FHIT: variants seen among roughly 807,000 people sequenced by gnomAD.
FHIT encodes fragile histidine triad diadenosine triphosphatase.
Under a neutral mutation model 17.9 loss-of-function variants are expected in FHIT, and 19 were observed. That is an observed-to-expected ratio of 1.06 (90% confidence interval 0.74 to 1.56). FHIT has a LOEUF of 1.56. Among genes scored for constraint, FHIT ranks in the 40% most tolerant of loss-of-function variants. The pLI, the probability that FHIT is intolerant of heterozygous loss-of-function variation, is 0.00. For missense variants in FHIT, 248 were observed against 189.2 expected (o/e 1.31, Z -1.82); for synonymous variants, 81 against 69.7 (o/e 1.16, Z -0.81).
In FHIT at chr3:60,189,913, G is replaced by A. The variant is rs530343760; in HGVS notation, c.104-175761C>T. Among the ~76,000 whole-genome samples, 10 of 152,288 alleles carry A rather than the reference G, an allele frequency of 6.6e-5. No individual in the cohort carries two copies. The South Asian group carries it at 1.9e-3, about 28-fold the overall frequency. On this transcript the variant is annotated intron_variant, in intron 5 of 9. Transcript: ENST00000492590. ...CTAATTAGAGGTGGAAGCCATGTAT[G>A]CATTGAACAGTTACCTCTTCAAGTT...
At chr3:59,934,016 A>G (rs1706102715) in intron 7 of FHIT, among the ~76,000 whole-genome samples, 1 of 152,152 alleles carries the variant, frequency 6.6e-6, no homozygotes, top group African/African-American at 2.4e-5. Flanking sequence ...CTCAAGCTCT[A>G]AAGAAAAAAC....
chr3:60,118,534 C>T (rs1479913151), intron 5 of FHIT, among the ~76,000 whole-genome samples: 1 of 151,962 alleles, frequency 6.6e-6, no homozygotes, highest in African/African-American at 2.4e-5. Context: ...ATAATACTGT[C>T]AGGAGCTTCC....
intron 5 of FHIT, among the ~76,000 whole-genome samples, chr3:60,454,650 C>G (rs778967060): frequency 2.6e-5 from 4 of 152,098 alleles, no homozygotes; most frequent in African/African-American, 7.2e-5. Flanking sequence ...TCTCAAAGTG[C>G]TGGGATTATA....
At chr3:60,026,879 A>T (rs1004589974) in intron 5 of FHIT, among the ~76,000 whole-genome samples, 1 of 152,054 alleles carries the variant, frequency 6.6e-6, no homozygotes, top group African/African-American at 2.4e-5. Context: ...TGGGTGGGTC[A>T]CTTGAGATCA....
chr3:61,000,736 C>A (rs562194009), intron 3 of FHIT, among the ~76,000 whole-genome samples: 6 of 152,170 alleles, frequency 3.9e-5, no homozygotes, highest in African/African-American at 1.4e-4. Flanking sequence ...TACCCTATGC[C>A]GGGTTCCAGA....
intron 4 of FHIT, among the ~76,000 whole-genome samples, chr3:60,803,037 G>A (rs1455819100): frequency 7.9e-5 from 12 of 151,366 alleles, no homozygotes; most frequent in African/African-American, 2.9e-4. Context: ...TAAATAAATA[G>A]GAGAGTTTCT....
chr3:60,569,114 G>A (rs1445886666), intron 4 of FHIT, among the ~76,000 whole-genome samples: 1 of 151,796 alleles, frequency 6.6e-6, no homozygotes, highest in East Asian at 1.9e-4. Flanking sequence ...TACAGTTTAA[G>A]TGTTTTTATG....
At chr3:60,097,065 A>G (rs1348128607) in intron 5 of FHIT, among the ~76,000 whole-genome samples, 3 of 150,374 alleles carry the variant, frequency 2.0e-5, no homozygotes, top group Non-Finnish European at 4.4e-5. Flanking sequence ...TCGAGTCCTT[A>G]AAGAATTAGG....
intron 8 of FHIT, among the ~76,000 whole-genome samples, chr3:59,882,920 C>T (rs559148302): frequency 4.5e-4 from 69 of 152,282 alleles, no homozygotes; most frequent in African/African-American, 1.6e-3. Context: ...CATGACTATG[C>T]TGTTCGGAGG....
chr3:59,753,362 C>T (rs1331724205), intron 8 of FHIT, among the ~76,000 whole-genome samples: 3 of 152,140 alleles, frequency 2.0e-5, no homozygotes, highest in Admixed American at 6.5e-5. Flanking sequence ...AGATTACAGG[C>T]ATATTTAAAA....
chr3:60,263,364 G>A (rs367943769), intron 5 of FHIT, among the ~76,000 whole-genome samples: 1 of 151,918 alleles, frequency 6.6e-6, no homozygotes. Context: ...CAAGAAAAAT[G>A]CAAACATATT....
At chr3:60,358,860 A>AT (rs1699782287) in intron 5 of FHIT, among the ~76,000 whole-genome samples, 1 of 152,228 alleles carries the variant, frequency 6.6e-6, no homozygotes, top group East Asian at 1.9e-4. Context: ...TATAAAATGG[A>AT]GTAATAATGG....
intron 3 of FHIT, among the ~76,000 whole-genome samples, chr3:60,887,383 G>T (rs911949487): frequency 6.6e-6 from 1 of 152,148 alleles, no homozygotes; most frequent in East Asian, 1.9e-4. Flanking sequence ...GGTGCCTTAC[G>T]CCTGTAATCC....
At chr3:60,537,287 A>G (rs2036018598) in intron 4 of FHIT, among the ~76,000 whole-genome samples, 1 of 152,152 alleles carries the variant, frequency 6.6e-6, no homozygotes, top group Non-Finnish European at 1.5e-5. Flanking sequence ...ACTCAAATCC[A>G]CAAGGCCCTA....
chr3:60,552,448 GAA>G (rs2036592208), intron 4 of FHIT, among the ~76,000 whole-genome samples: 1 of 152,142 alleles, frequency 6.6e-6, no homozygotes, highest in Admixed American at 6.5e-5. Context: ...CACCACCAAT[GAA>G]AGAGGGTTCC....
intron 5 of FHIT, among the ~76,000 whole-genome samples, chr3:60,214,722 C>A (rs543088544): frequency 6.6e-6 from 1 of 152,146 alleles, no homozygotes; most frequent in Admixed American, 6.5e-5. Context: ...CTCCTATGTT[C>A]ATTGCAGTAC....
At chr3:60,045,265 T>C (rs953375566) in intron 5 of FHIT, among the ~76,000 whole-genome samples, 2 of 152,190 alleles carry the variant, frequency 1.3e-5, no homozygotes, top group African/African-American at 4.8e-5. Context: ...AAGACATACC[T>C]GAGACTGGGC....
At chr3:61,178,585 A>G (rs1270632285) in intron 2 of FHIT, among the ~76,000 whole-genome samples, 4 of 151,554 alleles carry the variant, frequency 2.6e-5, no homozygotes, top group Non-Finnish European at 5.9e-5. Flanking sequence ...AGTTAATGCA[A>G]TTAAATAGAA....
At chr3:60,426,566 C>T (rs1372129598) in intron 5 of FHIT, among the ~76,000 whole-genome samples, 2 of 152,092 alleles carry the variant, frequency 1.3e-5, no homozygotes, top group Non-Finnish European at 2.9e-5. Context: ...CCTTATAGCT[C>T]AAAACCTGAC....
Sources: allele counts gnomAD v4.1 joint callset (sites outside exome capture counted in the v4.1 genomes callset), GRCh38; gene constraint gnomAD v4.1.1; transcripts MANE v1.5; gene names NCBI Gene and HGNC (gene_info 2026-07-23, HGNC 2026-07-21).